PIN1: variants seen among roughly 807,000 people sequenced by gnomAD.
The protein encoded by PIN1 is peptidylprolyl cis/trans isomerase, NIMA-interacting 1.
In PIN1, 8 loss-of-function variants were observed where a neutral mutation model predicts 19.9. The observed-to-expected ratio is 0.40, with a 90% CI of 0.24 to 0.72. The LOEUF (loss-of-function observed/expected upper bound fraction) is 0.72. Ranked by LOEUF, PIN1 falls within the 30% of genes least tolerant of loss-of-function variation. The pLI is 0.37. For missense variants in PIN1, 185 were observed against 226.5 expected (o/e 0.82, Z 1.18); for synonymous variants, 86 against 90.8 (o/e 0.95, Z 0.30).
At chr19:9,836,769 G>A in intron 1 of PIN1, 2 of 1,181,128 alleles carry the variant, frequency 1.7e-6, no homozygotes, top group Non-Finnish European at 2.2e-6. Context: ...AGAGCTTTCG[G>A]GTGTGAAGTA....
intron 3 of PIN1, 102 bp from the exon 4 acceptor site, chr19:9,848,988 C>A: frequency 1.4e-6 from 1 of 720,904 alleles, no homozygotes; most frequent in Non-Finnish European, 2.5e-6. Flanking sequence ...TGAGGCTCAG[C>A]GCAGGCAGGA....
In PIN1 at chr19:9,846,914, T is replaced by C. The variant is rs2046225235; in HGVS notation, c.272-1116T>C. ...TCCCTGGAGAGTGGCTGCCAGGCCTTAGGGTACACGGGGCGGGTGCAGTTC... is the reference window on the plus strand; with the variant it reads ...TCCCTGGAGAGTGGCTGCCAGGCCTCAGGGTACACGGGGCGGGTGCAGTTC... On this transcript the variant is annotated intron_variant, in intron 2 of 3. Transcript: ENST00000247970. The surrounding 1 kb of genome is among the most constrained non-coding windows in gnomAD (Gnocchi z 5.9). Among the ~76,000 whole-genome samples the C allele has an allele frequency of 6.6e-6, 1 of 152,086 alleles. No homozygotes were observed. The highest frequency in any genetic ancestry group is 1.5e-5 in the Non-Finnish European group (1 of 68,002).
chr19:9,844,809 C>A (rs2046203546), intron 2 of PIN1, among the ~76,000 whole-genome samples: 1 of 152,184 alleles, frequency 6.6e-6, no homozygotes, highest in African/African-American at 2.4e-5. Context: ...GCTTCGAGCC[C>A]CGTGGTAGAT....
rs2145409164 is a variant in PIN1, at chr19:9,838,156, C to G, written c.59-280C>G. On this transcript the variant is annotated intron_variant, in intron 1 of 3. Coordinates refer to ENST00000247970, the MANE Select transcript of PIN1 (RefSeq NM_006221.4). The surrounding 1 kb of genome is among the most constrained non-coding windows in gnomAD (Gnocchi z 5.8). ...TGTTCCATCACTCTGGGTTATTTTCCTCCTTGAAGTTATCAGGGATTGATA... is the reference window on the plus strand; with the variant it reads ...TGTTCCATCACTCTGGGTTATTTTCGTCCTTGAAGTTATCAGGGATTGATA... 1 of 494,958 alleles carries G rather than the reference C, an allele frequency of 2.0e-6. No individual in the cohort carries two copies. Among genetic ancestry groups the G allele is most frequent in the Non-Finnish European group, 3.7e-6 (1 of 269,556 alleles). 30.7% of individuals were successfully genotyped at this position (494,958 alleles called of 1,614,324 possible). A position where few individuals can be genotyped will look rare whatever the true frequency, so the allele number is the denominator to read the frequency against.
intron 1 of PIN1, chr19:9,836,290 A>G (rs1341373847): frequency 6.5e-6 from 1 of 153,944 alleles, no homozygotes; most frequent in African/African-American, 2.4e-5. Context: ...CTGTTTGGAT[A>G]CATGGACTCT....
intron 2 of PIN1, among the ~76,000 whole-genome samples, chr19:9,844,102 T>C (rs2046195563): frequency 6.6e-6 from 1 of 151,990 alleles, no homozygotes; most frequent in Non-Finnish European, 1.5e-5. Context: ...CCTTATGACC[T>C]CATTTAACCC....
At position 9,848,013 on chromosome 19, in the gene PIN1, C is replaced by T. The variant is rs776309023; in HGVS notation, c.272-17C>T. On this transcript the variant is annotated splice_polypyrimidine_tract_variant and intron_variant, in intron 2 of 3. Transcript: ENST00000247970. ...CAACCCCTGACCTGGCACTCCCATT[C>T]CGTTCCATGTCCACAGGCTACATCC... 6.5e-7 allele frequency: 1 copy of T among 1,537,430 alleles called. No individual in the cohort carries two copies. Among genetic ancestry groups the T allele is most frequent in the South Asian group, 1.1e-5 (1 of 89,488 alleles).
Position 9,838,158 on chromosome 19 carries a change from C to T in PIN1, c.59-278C>T. On this transcript the variant is annotated intron_variant, in intron 1 of 3. Transcript: ENST00000247970. The surrounding 1 kb of genome is among the most constrained non-coding windows in gnomAD (Gnocchi z 5.8). The stretch of plus-strand genomic sequence containing the variant: ...TTCCATCACTCTGGGTTATTTTCCT[C>T]CTTGAAGTTATCAGGGATTGATACT... 1 of 503,128 alleles carries T rather than the reference C, an allele frequency of 2.0e-6. No individual in the cohort carries two copies. The highest frequency in any genetic ancestry group is 3.6e-6 in the Non-Finnish European group (1 of 274,438). 31.2% of individuals were successfully genotyped at this position (503,128 alleles called of 1,614,324 possible). A position where few individuals can be genotyped will look rare whatever the true frequency, so the allele number is the denominator to read the frequency against.
rs1179456337 is a variant in PIN1 at position 9,835,491 on chromosome 19, C to T, written c.58+89C>T. The T allele has an allele frequency of 1.1e-5, 10 of 913,494 alleles. No homozygotes were observed. The East Asian group carries it at 1.3e-4, about 12-fold the overall frequency. The allele number at this position is 913,494 out of a possible 1,614,324, so 56.6% of individuals were successfully genotyped here. ...CCCCTTGGGCGCGGCGGCAGCGCTG[C>T]CTCCCTCCCATGGGGTCCTGGCTCT... On this transcript the variant is annotated intron_variant, in intron 1 of 3. Transcript: ENST00000247970.
intron 3 of PIN1, chr19:9,848,618 T>C (rs774803872): frequency 1.3e-5 from 3 of 234,448 alleles, no homozygotes; most frequent in Non-Finnish European, 2.5e-5. Context: ...CCTCCTCCTC[T>C]TCCTCCTCTT....
intron 2 of PIN1, 128 bp from the exon 3 acceptor site, chr19:9,847,902 C>G (rs2046236682): frequency 1.4e-6 from 1 of 712,964 alleles, no homozygotes; most frequent in Non-Finnish European, 2.6e-6. Context: ...GCATGTGCGC[C>G]TGTGAGGGGA....
intron 1 of PIN1, chr19:9,836,315 TGAGG>T (rs1438302747): frequency 6.4e-6 from 1 of 155,832 alleles, no homozygotes; most frequent in East Asian, 1.9e-4. Flanking sequence ...ATTAACCCCA[TGAGG>T]TTTGATCTCC....
chr19:9,844,457 G>A (rs1302561819), intron 2 of PIN1, among the ~76,000 whole-genome samples: 1 of 152,180 alleles, frequency 6.6e-6, no homozygotes, highest in Non-Finnish European at 1.5e-5. Context: ...CCTGGACCTT[G>A]GGGATACACT....
chr19:9,839,590 C>T (rs62105747), intron 2 of PIN1, among the ~76,000 whole-genome samples: 46,583 of 152,054 alleles, frequency 0.31, 7,244 homozygotes, highest in South Asian at 0.37. Flanking sequence ...CATGCAGTCT[C>T]TATCAGCTCT....
At position 9,839,658 on chromosome 19, in the gene PIN1, G is replaced by A. The variant is rs182335983; in HGVS notation, c.271+1010G>A. On this transcript the variant is annotated intron_variant, in intron 2 of 3. Coordinates refer to ENST00000247970, the MANE Select transcript of PIN1 (RefSeq NM_006221.4). ...TGTAAGCAAGCACATGGTCATGGCT[G>A]TGTGCCAAGAAAACTTTACTATTTA... Among the ~76,000 whole-genome samples the A allele has an allele frequency of 5.5e-4, 84 of 152,334 alleles. No individual in the cohort carries two copies. In the East Asian group the frequency reaches 0.016, roughly 28 times the overall value.
rs1481468405 is a variant in PIN1, at chr19:9,848,010, A to T, written c.272-20A>T. The T allele has an allele frequency of 6.6e-7, 1 of 1,524,294 alleles. No homozygotes were observed. The allele number at this position is 1,524,294 out of a possible 1,614,324, so 94.4% of individuals were successfully genotyped here. On this transcript the variant is annotated intron_variant, in intron 2 of 3. Coordinates refer to ENST00000247970, the MANE Select transcript of PIN1 (RefSeq NM_006221.4). ...CCCCAACCCCTGACCTGGCACTCCCATTCCGTTCCATGTCCACAGGCTACA... is the reference window on the plus strand; with the variant it reads ...CCCCAACCCCTGACCTGGCACTCCCTTTCCGTTCCATGTCCACAGGCTACA...
At chr19:9,835,745 C>T in intron 1 of PIN1, 1 of 338,358 alleles carries the variant, frequency 3.0e-6, no homozygotes, top group Non-Finnish European at 5.3e-6. Context: ...GGGGGCACCC[C>T]TGGGAGGGAG....
At chr19:9,837,124 A>G in intron 1 of PIN1, 1 of 255,146 alleles carries the variant, frequency 3.9e-6, no homozygotes, top group Non-Finnish European at 8.0e-6. Context: ...CCACCCACCC[A>G]TGGCTAATTT....
chr19:9,836,973 T>A, intron 1 of PIN1: 1 of 602,054 alleles, frequency 1.7e-6, no homozygotes, highest in Non-Finnish European at 2.8e-6. Context: ...TGTAGATGTG[T>A]GAGCTTATTT....
Sources: allele counts gnomAD v4.1 joint callset (sites outside exome capture counted in the v4.1 genomes callset), GRCh38; gene constraint gnomAD v4.1.1; non-coding constraint Gnocchi (gnomAD v3.1); transcripts MANE v1.5; gene names NCBI Gene and HGNC (gene_info 2026-07-23, HGNC 2026-07-21).